Variants in VMP1 observed in about 807,000 individuals in gnomAD.
VMP1 encodes the protein vacuole membrane protein 1, also known as ectopic P-granules autophagy protein 3 homolog.
In VMP1, 11 loss-of-function variants were observed where a neutral mutation model predicts 56.0. That is an observed-to-expected ratio of 0.20 (90% CI 0.12 to 0.32). The LOEUF (loss-of-function observed/expected upper bound fraction) is 0.32. Among genes scored for constraint, VMP1 ranks in the 10% least tolerant of loss-of-function variants. The probability of loss-of-function intolerance (pLI) is 1.00; values close to 1 mark genes in which losing one functional copy is unlikely to be tolerated. For synonymous variants in VMP1, 149 were observed against 165.0 expected (o/e 0.90, Z 0.74); for missense variants, 296 against 490.3 (o/e 0.60, Z 3.74).
intron 10 of VMP1, 39 bp downstream of exon 10, chr17:59,817,812 T>C: frequency 6.7e-7 from 1 of 1,494,252 alleles, no homozygotes; most frequent in Non-Finnish European, 9.2e-7. Context: ...ATATAATTAC[T>C]CTTTAAATGG....
chr17:59,772,436 A>G (rs2144028270), intron 6 of VMP1, among the ~76,000 whole-genome samples: 1 of 152,226 alleles, frequency 6.6e-6, no homozygotes, highest in Middle Eastern at 3.4e-3. Flanking sequence ...GAACCATAAG[A>G]CAGAGCAAAC....
At chr17:59,747,436 A>T (rs1355267313) in intron 5 of VMP1, among the ~76,000 whole-genome samples, 2 of 146,294 alleles carry the variant, frequency 1.4e-5, no homozygotes, top group Non-Finnish European at 3.0e-5. Flanking sequence ...TTGAGATGGA[A>T]TCTCACTCTG....
intron 8 of VMP1, among the ~76,000 whole-genome samples, chr17:59,810,190 G>A (rs2038008264): frequency 6.6e-6 from 1 of 151,932 alleles, no homozygotes. Context: ...GTCTCCCTCT[G>A]TCACCCAGGC....
At chr17:59,719,342 T>C (rs193300152) in intron 1 of VMP1, among the ~76,000 whole-genome samples, 60 of 69,188 alleles carry the variant, frequency 8.7e-4, no homozygotes, top group East Asian at 6.6e-3. Context: ...AACAAACAAA[T>C]AGATACTTCT....
At chr17:59,822,373 G>A (rs1196150305) in intron 10 of VMP1, among the ~76,000 whole-genome samples, 1 of 141,076 alleles carries the variant, frequency 7.1e-6, no homozygotes, top group East Asian at 2.1e-4. Context: ...GTGTCGCCCA[G>A]GCTGGAGTGC....
chr17:59,837,251 G>A (rs2039012144), intron 10 of VMP1, among the ~76,000 whole-genome samples: 1 of 151,986 alleles, frequency 6.6e-6, no homozygotes, highest in South Asian at 2.1e-4. Context: ...GTACTTAATA[G>A]GACAAGCATT....
intron 7 of VMP1, among the ~76,000 whole-genome samples, chr17:59,795,366 C>T (rs1472666221): frequency 6.6e-6 from 1 of 152,108 alleles, no homozygotes; most frequent in Non-Finnish European, 1.5e-5. Flanking sequence ...ATCCATCCGC[C>T]TCAGCCTCCC....
At chr17:59,804,839 A>G (rs932269158) in intron 7 of VMP1, among the ~76,000 whole-genome samples, 2 of 152,086 alleles carry the variant, frequency 1.3e-5, no homozygotes, top group African/African-American at 4.8e-5. Context: ...TCTTGAAATA[A>G]AAACAACTGT....
chr17:59,717,493 G>A (rs1425041548), intron 1 of VMP1, among the ~76,000 whole-genome samples: 1 of 151,134 alleles, frequency 6.6e-6, no homozygotes, highest in African/African-American at 2.4e-5. Context: ...AGCGATTCTT[G>A]TGCCTCAGCC....
chr17:59,750,849 A>G (rs118099682), intron 5 of VMP1, among the ~76,000 whole-genome samples: 1 of 150,258 alleles, frequency 6.7e-6, no homozygotes, highest in Non-Finnish European at 1.5e-5. Context: ...AATTTCATTC[A>G]TTTACCTTAT....
intron 5 of VMP1, among the ~76,000 whole-genome samples, chr17:59,742,630 G>GGGGTC (rs2035268801): frequency 6.6e-6 from 1 of 151,896 alleles, no homozygotes; most frequent in African/African-American, 2.4e-5. Context: ...TAATACACCA[G>GGGGTC]GGGTCCCTAA....
chr17:59,723,014 G>C (rs142349381), intron 1 of VMP1, among the ~76,000 whole-genome samples: 2 of 152,102 alleles, frequency 1.3e-5, no homozygotes, highest in Non-Finnish European at 2.9e-5. Flanking sequence ...TGGAGGGTGG[G>C]GTTGTCTTCC....
intron 7 of VMP1, among the ~76,000 whole-genome samples, chr17:59,805,575 C>T (rs1753260369): frequency 6.7e-6 from 1 of 150,188 alleles, no homozygotes; most frequent in Non-Finnish European, 1.5e-5. Flanking sequence ...AATGATGGCA[C>T]AATCTTAGTC....
chr17:59,776,437 A>G (rs1383434560), intron 7 of VMP1, among the ~76,000 whole-genome samples: 1 of 152,202 alleles, frequency 6.6e-6, no homozygotes, highest in Non-Finnish European at 1.5e-5. Context: ...TAATGCTTAT[A>G]TTAATGCTAA....
Position 59,842,168 on chromosome 17 carries a change from G to A in VMP1, c.*2257G>A, listed in dbSNP as rs931282085. ...ACACAGTACCTACTTAATTCCAGCT[G>A]ATGGGAGACCAAAGAATTTGCAAGT... On this transcript the variant is annotated 3_prime_UTR_variant, in exon 12 of 12. Transcript: ENST00000262291. The A allele has an allele frequency of 3.3e-5, 5 of 152,146 alleles. No homozygotes were observed. Among genetic ancestry groups the A allele is most frequent in the Non-Finnish European group, 7.4e-5 (5 of 68,022 alleles). 9.4% of individuals were successfully genotyped at this position (152,146 alleles called of 1,614,324 possible). A position where few individuals can be genotyped will look rare whatever the true frequency, so the allele number is the denominator to read the frequency against.
At chr17:59,747,028 C>T (rs1456786262) in intron 5 of VMP1, among the ~76,000 whole-genome samples, 1 of 152,186 alleles carries the variant, frequency 6.6e-6, no homozygotes, top group Non-Finnish European at 1.5e-5. Flanking sequence ...TTGGCTGCCA[C>T]TAGGTGGCAT....
At chr17:59,720,055 A>G (rs1310074054) in intron 1 of VMP1, among the ~76,000 whole-genome samples, 2 of 152,232 alleles carry the variant, frequency 1.3e-5, no homozygotes, top group Non-Finnish European at 2.9e-5. Context: ...TACAAACAAA[A>G]CTAACTTACA....
At chr17:59,727,554 T>G (rs185516692) in intron 1 of VMP1, among the ~76,000 whole-genome samples, 5 of 152,340 alleles carry the variant, frequency 3.3e-5, no homozygotes, top group Non-Finnish European at 1.5e-5. Flanking sequence ...TTTACCAGAC[T>G]GTGATCCTCT....
rs1285389109 is a variant in VMP1 at position 59,839,966 on chromosome 17, G to A, written c.*55G>A. Reference sequence around the variant, plus strand: ...GAGTGGATGGGTTCTGCCTTAAATTGGGAGGACTCCAAGCCGGGAAGGAAA... The same window carrying A: ...GAGTGGATGGGTTCTGCCTTAAATTAGGAGGACTCCAAGCCGGGAAGGAAA... On this transcript the variant is annotated 3_prime_UTR_variant, in exon 12 of 12. Transcript: ENST00000262291. 6.3e-7 allele frequency: 1 copy of A among 1,579,676 alleles called. No homozygotes were observed. The highest frequency in any genetic ancestry group is 1.4e-5 in the African/African-American group (1 of 72,458).
Sources: gnomAD v4.1 joint callset for allele counts (sites outside exome capture counted in the v4.1 genomes callset) on GRCh38, gnomAD v4.1.1 for gene constraint, MANE v1.5 for transcripts, NCBI Gene and HGNC (gene_info 2026-07-23, HGNC 2026-07-21) for gene names.